Variants in QSOX1 observed in about 807,000 individuals in gnomAD.
QSOX1 encodes the protein sulfhydryl oxidase 1.
Under a neutral mutation model 76.1 loss-of-function variants are expected in QSOX1, and 40 were observed. That is an observed-to-expected ratio of 0.53 (90% CI 0.41 to 0.68). The LOEUF is 0.68. QSOX1 is among the 30% of genes least tolerant of loss of function. The pLI, the probability that QSOX1 is intolerant of heterozygous loss-of-function variation, is 0.00. For synonymous variants in QSOX1, 392 were observed against 413.1 expected (o/e 0.95, Z 0.62); for missense variants, 931 against 974.3 (o/e 0.96, Z 0.59).
chr1:180,174,858 A>G (rs534291116), intron 2 of QSOX1, among the ~76,000 whole-genome samples: 1 of 151,876 alleles, frequency 6.6e-6, no homozygotes, highest in East Asian at 2.0e-4. Flanking sequence ...CCAATTCACC[A>G]TTTTACAGAT....
intron 2 of QSOX1, among the ~76,000 whole-genome samples, chr1:180,170,105 G>A (rs1455628833): frequency 1.3e-5 from 2 of 152,222 alleles, no homozygotes; most frequent in Admixed American, 6.5e-5. Flanking sequence ...AGAGCTGGGG[G>A]AGGAGGGAGC....
Position 180,186,035 on chromosome 1 carries a change from C to G in QSOX1, c.888-18C>G. The stretch of plus-strand genomic sequence containing the variant: ...GGTTAATACTTCTTTCTCTCTCTAT[C>G]TCCCTCTGGGTCCTCAGCTCCAAGA... On this transcript the variant is annotated intron_variant, in intron 7 of 11. Coordinates refer to ENST00000367602, the MANE Select transcript of QSOX1 (RefSeq NM_002826.5). 6.2e-7 allele frequency: 1 copy of G among 1,612,860 alleles called. No homozygotes were observed. Among genetic ancestry groups the G allele is most frequent in the Non-Finnish European group, 8.5e-7 (1 of 1,178,868 alleles).
rs1663651047 is a variant in QSOX1, at chr1:180,202,266, A to C, written c.*5229A>C. ...TGGTAGCTCCAGCTGCTGCTTTGGC[A>C]AGACTTGGTCGTCTCTATACTGAGA... On this transcript the variant is annotated 3_prime_UTR_variant, in exon 12 of 12. Transcript: ENST00000367602. 6.6e-6 allele frequency: 1 copy of C among 152,248 alleles called. No homozygotes were observed. Among genetic ancestry groups the C allele is most frequent in the African/African-American group, 2.4e-5 (1 of 41,434 alleles). 9.4% of individuals were successfully genotyped at this position (152,248 alleles called of 1,614,324 possible).
chr1:180,165,046 C>A (rs1420635641), intron 1 of QSOX1, among the ~76,000 whole-genome samples: 1 of 152,210 alleles, frequency 6.6e-6, no homozygotes, highest in African/African-American at 2.4e-5. Context: ...CCCCCAAGAT[C>A]TAATACCTTT....
rs573205023 is a variant in QSOX1 at position 180,192,680 on chromosome 1, G to A, written c.1289-1533G>A. ...CCATAAGCTGAGGAGTCAGGGGCTC[G>A]GGTTGGGATGGTGGAATCAATGGCC... On this transcript the variant is annotated intron_variant, in intron 10 of 11. Coordinates refer to ENST00000367602, the MANE Select transcript of QSOX1 (RefSeq NM_002826.5). Among the ~76,000 whole-genome samples the A allele has an allele frequency of 7.2e-5, 11 of 152,266 alleles. 1 individual carries two copies. In the South Asian group the frequency reaches 2.3e-3, roughly 32 times the overall value.
intron 4 of QSOX1, among the ~76,000 whole-genome samples, chr1:180,178,211 C>T (rs1662944137): frequency 6.6e-6 from 1 of 152,198 alleles, no homozygotes. Context: ...CCCCACACGG[C>T]CTCCTACCCA....
intron 4 of QSOX1, among the ~76,000 whole-genome samples, chr1:180,177,221 C>T (rs2149236420): frequency 6.6e-6 from 1 of 151,374 alleles, no homozygotes; most frequent in Non-Finnish European, 1.5e-5. Context: ...ACAGCTCAAG[C>T]AATCCTGCCA....
rs370455042 is a variant in QSOX1, at chr1:180,194,341, G to T, written c.1417G>T (p.Ala473Ser). The change falls in exon 11 of 12, where the codon GCT (alanine) becomes TCT (serine). Residue 473 changes from alanine (A) to serine (S), a missense_variant. Transcript: ENST00000367602. The stretch of plus-strand genomic sequence containing the variant: ...GCACCGGGTGGGGAGTCCCAACGCC[G>T]CTGTCCTCTGGCTCTGGTCTAGCCA... ...SMHRVGSPNA[A>S]VLWLWSSHNR... 5.0e-6 allele frequency: 8 copies of T among 1,601,612 alleles called. No individual in the cohort carries two copies. The highest frequency in any genetic ancestry group is 6.0e-6 in the Non-Finnish European group (7 of 1,172,016).
chr1:180,184,013 A>C lies in QSOX1; in HGVS notation c.850A>C (p.Asn284His). Residue 284 changes from asparagine to histidine, a missense_variant, in exon 7 of 12, where the codon AAC (asparagine) becomes CAC (histidine). Coordinates refer to ENST00000367602, the MANE Select transcript of QSOX1 (RefSeq NM_002826.5). ...GACCACAGTTGCACCAACCACTGCT[A>C]ACAAGATAGCTCCCACTGTTTGGAA... ...AQTTVAPTTA[N>H]KIAPTVWKLA... The C allele has an allele frequency of 6.2e-7, 1 of 1,614,210 alleles. No homozygotes were observed. The highest frequency in any genetic ancestry group is 8.5e-7 in the Non-Finnish European group (1 of 1,180,036).
intron 11 of QSOX1, among the ~76,000 whole-genome samples, chr1:180,194,739 C>T (rs577814184): frequency 7.9e-5 from 12 of 152,302 alleles, no homozygotes; most frequent in African/African-American, 2.9e-4. Flanking sequence ...GTTCTCTCTC[C>T]CTGGGAAGGG....
At chr1:180,195,164 T>A (rs2149243632) in intron 11 of QSOX1, among the ~76,000 whole-genome samples, 1 of 151,778 alleles carries the variant, frequency 6.6e-6, no homozygotes, top group Non-Finnish European at 1.5e-5. Flanking sequence ...CACCAAATGC[T>A]CCATTTGACC....
intron 8 of QSOX1, among the ~76,000 whole-genome samples, chr1:180,188,678 G>C (rs989350461): frequency 6.6e-6 from 1 of 152,242 alleles, no homozygotes; most frequent in African/African-American, 2.4e-5. Context: ...CTGTTAGCAG[G>C]TTTTCCTGTT....
Position 180,182,300 on chromosome 1 carries a change from T to G in QSOX1, c.733T>G (p.Ser245Ala). The change falls in exon 6 of 12, where the codon TCT (serine) becomes GCT (alanine). Residue 245 changes from serine (S) to alanine (A), a missense_variant. Physicochemically the swap from Ser to Ala is moderately conservative, Grantham distance 99. Transcript: ENST00000367602. ...PSCYLLFRNGSVSRVPVLMES... is the reference protein window; with the variant it reads ...PSCYLLFRNGAVSRVPVLMES... Reference sequence around the variant, plus strand: ...TTGCTACCTGCTGTTCCGGAATGGCTCTGTCTCCCGAGTCCCCGTGTGAGT... The same window carrying G: ...TTGCTACCTGCTGTTCCGGAATGGCGCTGTCTCCCGAGTCCCCGTGTGAGT... The G allele has an allele frequency of 6.2e-7, 1 of 1,614,196 alleles. No individual in the cohort carries two copies. Among genetic ancestry groups the G allele is most frequent in the South Asian group, 1.1e-5 (1 of 91,082 alleles).
At chr1:180,166,727 G>T in intron 2 of QSOX1, 136 bp downstream of exon 2, 1 of 844,348 alleles carries the variant, frequency 1.2e-6, no homozygotes, top group Non-Finnish European at 1.9e-6. Flanking sequence ...ATCATCACTT[G>T]GGCTGGTGAG....
At chr1:180,175,080 C>T (rs964155919) in intron 2 of QSOX1, among the ~76,000 whole-genome samples, 1 of 151,276 alleles carries the variant, frequency 6.6e-6, no homozygotes, top group African/African-American at 2.4e-5. Flanking sequence ...TCCCTTGAAC[C>T]TGGGAGGCAG....
Position 180,197,348 on chromosome 1 carries a change from G to C in QSOX1, c.*311G>C. On this transcript the variant is annotated 3_prime_UTR_variant, in exon 12 of 12. Transcript: ENST00000367602. Reference sequence around the variant, plus strand: ...TGTTTTTCAGCTTATTTGAAGTCCTGCCTCATTCTCACTGGAGCCTCAGTC... The same window carrying C: ...TGTTTTTCAGCTTATTTGAAGTCCTCCCTCATTCTCACTGGAGCCTCAGTC... 2 of 1,613,918 alleles carry C rather than the reference G, an allele frequency of 1.2e-6. No individual in the cohort carries two copies. Among genetic ancestry groups the C allele is most frequent in the Non-Finnish European group, 8.5e-7 (1 of 1,180,008 alleles).
chr1:180,180,681 A>AT lies in QSOX1; in HGVS notation c.607-1486dup, dbSNP rs1204452166. ...AGGCGCCCGCCACCACACCAGGCTA[A>AT]TTTTTTTATATTTTTAGTAGAGACG... is the stretch of plus-strand genomic sequence containing the variant. On this transcript the variant is annotated intron_variant, in intron 5 of 11. Transcript: ENST00000367602. Among the ~76,000 whole-genome samples the AT allele has an allele frequency of 2.6e-5, 4 of 152,130 alleles. No individual in the cohort carries two copies. The East Asian group carries it at 5.8e-4, about 22-fold the overall frequency.
At chr1:180,155,414 C>G (rs1481829946) in intron 1 of QSOX1, among the ~76,000 whole-genome samples, 1 of 152,184 alleles carries the variant, frequency 6.6e-6, no homozygotes, top group Non-Finnish European at 1.5e-5. Context: ...CGGCCTGGGC[C>G]CCCAGACCTG....
chr1:180,161,098 T>G (rs1662484667), intron 1 of QSOX1, among the ~76,000 whole-genome samples: 1 of 152,020 alleles, frequency 6.6e-6, no homozygotes, highest in Admixed American at 6.6e-5. Context: ...GAGGCAGAGG[T>G]CACAGTGAGC....
Sources: gnomAD v4.1 joint callset for allele counts (sites outside exome capture counted in the v4.1 genomes callset) on GRCh38, gnomAD v4.1.1 for gene constraint, MANE v1.5 for transcripts, NCBI Gene and HGNC (gene_info 2026-07-23, HGNC 2026-07-21) for gene names.